The following CPEB1 variants were observed in gnomAD, a reference collection of about 807,000 sequenced individuals.
CPEB1 encodes the protein cytoplasmic polyadenylation element-binding protein 1.
A neutral mutation model predicts 65.8 loss-of-function variants in CPEB1; 7 were observed. That is an observed-to-expected ratio of 0.11 (90% CI 0.06 to 0.20). The LOEUF is 0.20. Ranked by LOEUF, CPEB1 falls within the 10% of genes least tolerant of loss-of-function variation. The pLI, the probability that CPEB1 is intolerant of heterozygous loss-of-function variation, is 1.00. For synonymous variants in CPEB1, 262 were observed against 260.0 expected (o/e 1.01, Z -0.08); for missense variants, 551 against 712.2 (o/e 0.77, Z 2.58).
chr15:82,570,301 T>C (rs1482117888), intron 4 of CPEB1, among the ~76,000 whole-genome samples: 1 of 152,144 alleles, frequency 6.6e-6, no homozygotes, highest in African/African-American at 2.4e-5. Context: ...TGCCGGTTCC[T>C]GGACCAGGGA....
At chr15:82,620,949 G>C (rs1186552034) in intron 3 of CPEB1, among the ~76,000 whole-genome samples, 2 of 152,152 alleles carry the variant, frequency 1.3e-5, no homozygotes, top group Non-Finnish European at 1.5e-5. Context: ...TCAGTGAATA[G>C]TACACTCATA....
rs559224671 is a variant in CPEB1, at chr15:82,636,918, T to G, written c.-97-8362A>C. On this transcript the variant is annotated intron_variant, in intron 1 of 12. Transcript: ENST00000684509. ...CTACCTCTTCTCCCTGTCAAAATTC[T>G]CAGCCACTAAAGTCATTTTGGGATT... is the stretch of plus-strand genomic sequence containing the variant. Among the ~76,000 whole-genome samples the G allele has an allele frequency of 6.6e-5, 10 of 152,348 alleles. No homozygotes were observed. The East Asian group carries it at 1.9e-3, about 29-fold the overall frequency.
chr15:82,590,231 A>C (rs202094666), intron 3 of CPEB1, among the ~76,000 whole-genome samples: 40,316 of 148,490 alleles, frequency 0.27, 6,528 homozygotes, highest in South Asian at 0.43. Context: ...AAAAAAAAAA[A>C]AAAAAAAAAC....
intron 1 of CPEB1, among the ~76,000 whole-genome samples, chr15:82,634,184 GT>G (rs34681847): frequency 0.028 from 4,136 of 146,676 alleles, 86 homozygotes; most frequent in Non-Finnish European, 0.043. Context: ...CATATAACTG[GT>G]TTTTTTTTTT....
intron 3 of CPEB1, among the ~76,000 whole-genome samples, chr15:82,607,207 G>A (rs1290867899): frequency 6.6e-6 from 1 of 152,088 alleles, no homozygotes. Flanking sequence ...TCAAACTCTT[G>A]AATAAATGAC....
intron 3 of CPEB1, among the ~76,000 whole-genome samples, chr15:82,601,795 C>T (rs997986683): frequency 2.1e-5 from 3 of 140,746 alleles, no homozygotes; most frequent in South Asian, 2.6e-4. Flanking sequence ...TCATAAGTAT[C>T]GAGAGATCAA....
chr15:82,548,394 C>T (rs1166849184), intron 10 of CPEB1, among the ~76,000 whole-genome samples: 1 of 152,172 alleles, frequency 6.6e-6, no homozygotes, highest in African/African-American at 2.4e-5. Flanking sequence ...GTGACAACAG[C>T]TGTGTTTCCA....
chr15:82,572,362 A>C (rs2040161753), intron 3 of CPEB1, among the ~76,000 whole-genome samples: 1 of 152,204 alleles, frequency 6.6e-6, no homozygotes, highest in Admixed American at 6.5e-5. Context: ...TGTCTAGAGC[A>C]GCTTATCACA....
chr15:82,580,557 G>C (rs942592385), intron 3 of CPEB1, among the ~76,000 whole-genome samples: 5 of 151,984 alleles, frequency 3.3e-5, no homozygotes, highest in African/African-American at 7.2e-5. Flanking sequence ...AACCATTTTT[G>C]AGCATACAAT....
At chr15:82,569,342 C>T (rs1377022222) in intron 4 of CPEB1, among the ~76,000 whole-genome samples, 2 of 152,258 alleles carry the variant, frequency 1.3e-5, no homozygotes, top group African/African-American at 4.8e-5. Context: ...ATGGGTGTGT[C>T]CTCAACCCTC....
upstream of CPEB1, chr15:82,648,101 T>G (rs2047731251): frequency 5.6e-6 from 2 of 358,988 alleles, no homozygotes; most frequent in Non-Finnish European, 9.9e-6. Context: ...CCGCCCCTCC[T>G]AGCAGGCCGA....
At chr15:82,647,942 G>A (rs1596157909), upstream of CPEB1, 1 of 1,180,586 alleles carries the variant, frequency 8.5e-7, no homozygotes, top group Non-Finnish European at 1.1e-6. Flanking sequence ...GCACGCACGT[G>A]GGCACTATTT....
intron 1 of CPEB1, chr15:82,638,087 C>G (rs2046813584): frequency 2.7e-6 from 1 of 366,480 alleles, no homozygotes. Context: ...ATGTGTTATT[C>G]TGGTTGAAGT....
At chr15:82,576,968 T>A (rs1292293577) in intron 3 of CPEB1, among the ~76,000 whole-genome samples, 1 of 152,082 alleles carries the variant, frequency 6.6e-6, no homozygotes, top group African/African-American at 2.4e-5. Context: ...GAGGATGCAG[T>A]GAGCTGAGAC....
At chr15:82,587,204 G>A (rs1327834775) in intron 3 of CPEB1, among the ~76,000 whole-genome samples, 1 of 152,064 alleles carries the variant, frequency 6.6e-6, no homozygotes, top group Non-Finnish European at 1.5e-5. Context: ...TCTTCTCTAT[G>A]TATATGGTGA....
chr15:82,563,978 T>C (rs1233244113), intron 4 of CPEB1, among the ~76,000 whole-genome samples: 1 of 152,170 alleles, frequency 6.6e-6, no homozygotes, highest in African/African-American at 2.4e-5. Flanking sequence ...TTGAGTACTT[T>C]TGGAGTCTCT....
At chr15:82,568,362 G>A (rs1222772345) in intron 4 of CPEB1, among the ~76,000 whole-genome samples, 2 of 152,074 alleles carry the variant, frequency 1.3e-5, no homozygotes, top group Non-Finnish European at 2.9e-5. Context: ...CAGGACAAGG[G>A]TAGCCCTGGA....
At chr15:82,553,281 C>A (rs2036596217) in intron 8 of CPEB1, among the ~76,000 whole-genome samples, 186 bp downstream of exon 8, 1 of 152,136 alleles carries the variant, frequency 6.6e-6, no homozygotes, top group South Asian at 2.1e-4. Context: ...AACATTAGCT[C>A]AGAAGAAACA....
chr15:82,596,114 T>C (rs917291413), intron 3 of CPEB1, among the ~76,000 whole-genome samples: 4 of 152,324 alleles, frequency 2.6e-5, no homozygotes, highest in Admixed American at 1.3e-4. Context: ...TAAAAGCAAC[T>C]TGAGACATAA....
Sources: allele counts gnomAD v4.1 joint callset (sites outside exome capture counted in the v4.1 genomes callset), GRCh38; gene constraint gnomAD v4.1.1; transcripts MANE v1.5; gene names NCBI Gene and HGNC (gene_info 2026-07-23, HGNC 2026-07-21).